The following RNF122 variants were observed in gnomAD, a reference collection of about 807,000 sequenced individuals.
RNF122 encodes ring finger protein 122.
A neutral mutation model predicts 24.2 loss-of-function variants in RNF122; 17 were observed. That is an observed-to-expected ratio of 0.70 (90% CI 0.48 to 1.06). The LOEUF (loss-of-function observed/expected upper bound fraction) is 1.06. RNF122 is among the 50% of genes least tolerant of loss of function. The pLI is 0.00. For missense variants in RNF122, 168 were observed against 198.1 expected, an observed-to-expected ratio of 0.85 and a Z score of 0.91; for synonymous variants, 65 against 71.8, an observed-to-expected ratio of 0.91 and a Z score of 0.48.
intron 1 of RNF122, among the ~76,000 whole-genome samples, chr8:33,561,831 G>A (rs1031037668): frequency 7.2e-5 from 11 of 152,166 alleles, no homozygotes; most frequent in South Asian, 2.1e-4. Flanking sequence ...CAGCGCATAA[G>A]CCACTGTGCC....
chr8:33,554,732 T>C (rs947825176), intron 2 of RNF122, among the ~76,000 whole-genome samples: 2 of 152,250 alleles, frequency 1.3e-5, no homozygotes, highest in African/African-American at 4.8e-5. Context: ...CAGTGGGCTC[T>C]CCCTTTCCTC....
chr8:33,559,788 G>C (rs1810512094), intron 1 of RNF122, among the ~76,000 whole-genome samples: 1 of 150,860 alleles, frequency 6.6e-6, no homozygotes, highest in Non-Finnish European at 1.5e-5. Context: ...GAGCTTTTTA[G>C]AAACATATAC....
chr8:33,566,381 G>C (rs536853365), intron 1 of RNF122, among the ~76,000 whole-genome samples: 4 of 152,224 alleles, frequency 2.6e-5, no homozygotes, highest in Admixed American at 2.6e-4. Flanking sequence ...ACAAAGAACA[G>C]AGTTTGAGCG....
intron 1 of RNF122, 66 bp downstream of exon 1, chr8:33,566,633 C>A: frequency 1.3e-6 from 2 of 1,525,440 alleles, no homozygotes; most frequent in Non-Finnish European, 1.8e-6. Flanking sequence ...TGCTGTCCGA[C>A]CTCGCACCCC....
At position 33,561,539 on chromosome 8, in the gene RNF122, C is replaced by T. The variant is rs1030571032; in HGVS notation, c.26-2768G>A. Among the ~76,000 whole-genome samples, 5 of 146,714 alleles carry T rather than the reference C, an allele frequency of 3.4e-5. No homozygotes were observed. In the Admixed American group the frequency reaches 3.4e-4, roughly 10 times the overall value. ...ACGCCTGACACATCCTCCTAGTTGC[C>T]TTTTTTTTTTTAATTTTTTTTTAGA... On this transcript the variant is annotated intron_variant, in intron 1 of 5. Coordinates refer to ENST00000256257, the MANE Select transcript of RNF122 (RefSeq NM_024787.3).
chr8:33,555,194 G>GT (rs1450498342), intron 2 of RNF122, among the ~76,000 whole-genome samples: 10 of 149,276 alleles, frequency 6.7e-5, no homozygotes, highest in African/African-American at 2.6e-4. Flanking sequence ...GTGTTTTTTT[G>GT]GGTTTTTTTT....
At chr8:33,558,558 C>T (rs1810490105) in intron 2 of RNF122, 57 bp downstream of exon 2, 3 of 1,476,244 alleles carry the variant, frequency 2.0e-6, no homozygotes, top group Non-Finnish European at 2.7e-6. Context: ...TACCCCACAA[C>T]CCTGGTCTCC....
At chr8:33,552,033 C>T (rs1225956736) in intron 2 of RNF122, among the ~76,000 whole-genome samples, 1 of 152,150 alleles carries the variant, frequency 6.6e-6, no homozygotes, top group Non-Finnish European at 1.5e-5. Context: ...TGCTATATGT[C>T]GCTGGGACAC....
At chr8:33,559,990 C>T (rs1028881717) in intron 1 of RNF122, among the ~76,000 whole-genome samples, 14 of 151,840 alleles carry the variant, frequency 9.2e-5, no homozygotes, top group East Asian at 1.9e-4. Context: ...TATAGGCGCA[C>T]GCCACCATGC....
At chr8:33,549,978 G>A (rs911727229) in intron 4 of RNF122, among the ~76,000 whole-genome samples, 7 of 151,248 alleles carry the variant, frequency 4.6e-5, no homozygotes, top group Non-Finnish European at 8.8e-5. Flanking sequence ...TTGTTGCCCA[G>A]GCTGGAGTGC....
intron 1 of RNF122, among the ~76,000 whole-genome samples, chr8:33,565,682 C>G (rs1810611577): frequency 6.6e-6 from 1 of 152,182 alleles, no homozygotes; most frequent in Non-Finnish European, 1.5e-5. Context: ...TCACCCAGGC[C>G]TGGGGAGAAA....
intron 1 of RNF122, 89 bp downstream of exon 1, chr8:33,566,610 A>T: frequency 7.4e-7 from 1 of 1,355,476 alleles, no homozygotes; most frequent in South Asian, 1.2e-5. Flanking sequence ...TTCCCGAGGG[A>T]GGACCAGCGC....
intron 1 of RNF122, among the ~76,000 whole-genome samples, chr8:33,559,357 G>T (rs1015836532): frequency 6.6e-6 from 1 of 151,922 alleles, no homozygotes; most frequent in African/African-American, 2.4e-5. Context: ...GCAGAAACTG[G>T]AGAGCTTAAT....
intron 1 of RNF122, among the ~76,000 whole-genome samples, chr8:33,563,501 C>T (rs1345146556): frequency 1.6e-4 from 25 of 152,178 alleles, no homozygotes; most frequent in Admixed American, 1.6e-3. Flanking sequence ...CTTTGCTGTG[C>T]CCAACAGGAA....
intron 3 of RNF122, 63 bp from the exon 4 acceptor site, chr8:33,551,148 T>C: frequency 7.0e-6 from 11 of 1,580,760 alleles, no homozygotes; most frequent in Non-Finnish European, 8.7e-6. Context: ...AGCCAGGTAG[T>C]ATCAACCAAT....
intron 1 of RNF122, among the ~76,000 whole-genome samples, chr8:33,561,452 C>T (rs1000537521): frequency 1.3e-5 from 2 of 152,100 alleles, no homozygotes; most frequent in African/African-American, 4.8e-5. Context: ...ACACTCATCA[C>T]CTCCTACTGT....
chr8:33,566,604 C>G, intron 1 of RNF122, 95 bp downstream of exon 1: 1 of 1,324,606 alleles, frequency 7.5e-7, no homozygotes, highest in Non-Finnish European at 1.1e-6. Context: ...ACTTGGTTCC[C>G]GAGGGAGGAC....
intron 1 of RNF122, among the ~76,000 whole-genome samples, chr8:33,559,124 C>T (rs545919666): frequency 2.0e-5 from 3 of 151,748 alleles, no homozygotes; most frequent in Non-Finnish European, 2.9e-5. Context: ...CAACATAAGA[C>T]CCCATCTCTA....
At chr8:33,561,194 C>A (rs1229873860) in intron 1 of RNF122, among the ~76,000 whole-genome samples, 1 of 152,182 alleles carries the variant, frequency 6.6e-6, no homozygotes, top group African/African-American at 2.4e-5. Flanking sequence ...AAAGGGTTCT[C>A]TGTACCCAGG....
Sources: allele counts gnomAD v4.1 joint callset (sites outside exome capture counted in the v4.1 genomes callset), GRCh38; gene constraint gnomAD v4.1.1; transcripts MANE v1.5; gene names NCBI Gene and HGNC (gene_info 2026-07-23, HGNC 2026-07-21).